Variants in KIF16B observed in about 807,000 individuals in gnomAD.
KIF16B encodes the protein kinesin-like protein KIF16B.
In KIF16B, 98 loss-of-function variants were observed where a neutral mutation model predicts 156.3. The ratio of observed to expected loss-of-function variants is 0.63; its 90% confidence interval spans 0.53 to 0.74. The LOEUF (loss-of-function observed/expected upper bound fraction) is 0.74, where lower values mean the gene tolerates loss of function less well. KIF16B is among the 30% of genes least tolerant of loss of function. The pLI is 0.00. For missense variants in KIF16B, 1,421 were observed against 1,606.5 expected (o/e 0.88, Z 1.97); for synonymous variants, 564 against 583.7 (o/e 0.97, Z 0.49).
At chr20:16,529,322 G>A (rs1009678808) in intron 1 of KIF16B, among the ~76,000 whole-genome samples, 36 of 152,188 alleles carry the variant, frequency 2.4e-4, no homozygotes, top group African/African-American at 8.7e-4. Context: ...AATAAAACAA[G>A]AGTTTCAAAA....
intron 1 of KIF16B, among the ~76,000 whole-genome samples, chr20:16,546,413 T>A (rs1568669915): frequency 6.6e-6 from 1 of 152,212 alleles, no homozygotes; most frequent in Non-Finnish European, 1.5e-5. Flanking sequence ...TTTATTCAGT[T>A]AATGTTTACC....
chr20:16,559,742 T>C (rs928076070), intron 1 of KIF16B, among the ~76,000 whole-genome samples: 2 of 151,928 alleles, frequency 1.3e-5, no homozygotes, highest in African/African-American at 2.4e-5. Context: ...CATGCCACTA[T>C]ACTCCAGCCT....
At chr20:16,433,604 C>T (rs1053190851) in intron 12 of KIF16B, among the ~76,000 whole-genome samples, 11 of 151,600 alleles carry the variant, frequency 7.3e-5, no homozygotes, top group Admixed American at 2.0e-4. Context: ...CACACAGAGA[C>T]ACACACACTC....
intron 15 of KIF16B, among the ~76,000 whole-genome samples, chr20:16,409,929 C>A (rs1314087648): frequency 7.6e-6 from 1 of 132,280 alleles, no homozygotes; most frequent in East Asian, 2.4e-4. Context: ...GTCGATCTAC[C>A]TTCCTACCCA....
At chr20:16,559,938 T>C (rs1180664548) in intron 1 of KIF16B, among the ~76,000 whole-genome samples, 1 of 152,188 alleles carries the variant, frequency 6.6e-6, no homozygotes. Context: ...AATAATGTTG[T>C]ATCAATATTA....
intron 12 of KIF16B, among the ~76,000 whole-genome samples, chr20:16,452,414 A>C (rs909671306): frequency 6.6e-6 from 1 of 152,226 alleles, no homozygotes; most frequent in Admixed American, 6.5e-5. Flanking sequence ...AAAAAAAAAA[A>C]AACTATTGTT....
intron 24 of KIF16B, among the ~76,000 whole-genome samples, chr20:16,331,530 A>G (rs1233421587): frequency 2.6e-5 from 4 of 152,194 alleles, no homozygotes; most frequent in Non-Finnish European, 4.4e-5. Context: ...AAAATTTTGG[A>G]GCCTTGTATG....
chr20:16,548,948 A>C (rs1473988605), intron 1 of KIF16B, among the ~76,000 whole-genome samples: 1 of 152,210 alleles, frequency 6.6e-6, no homozygotes, highest in African/African-American at 2.4e-5. Context: ...AAATGGTCTA[A>C]AGTAAATAAG....
chr20:16,291,454 A>C (rs1477608010), intron 25 of KIF16B, among the ~76,000 whole-genome samples: 3 of 152,218 alleles, frequency 2.0e-5, no homozygotes, highest in Admixed American at 2.0e-4. Context: ...CCTGAAAACT[A>C]TGTAAGCATC....
At chr20:16,451,763 T>TG (rs2067088008) in intron 12 of KIF16B, among the ~76,000 whole-genome samples, 1 of 149,048 alleles carries the variant, frequency 6.7e-6, no homozygotes, top group South Asian at 2.2e-4. Flanking sequence ...GTAGAAATAC[T>TG]GGGGACCAAA....
intron 2 of KIF16B, among the ~76,000 whole-genome samples, chr20:16,526,853 A>G (rs2069562546): frequency 6.6e-6 from 1 of 152,160 alleles, no homozygotes; most frequent in South Asian, 2.1e-4. Context: ...AACTTCAATG[A>G]GCACCACGTT....
chr20:16,534,076 G>T (rs2069859106), intron 1 of KIF16B, among the ~76,000 whole-genome samples: 2 of 152,094 alleles, frequency 1.3e-5, no homozygotes, highest in Admixed American at 1.3e-4. Flanking sequence ...TGGCCAACAT[G>T]GCGAAACCCC....
intron 22 of KIF16B, among the ~76,000 whole-genome samples, chr20:16,356,753 T>C (rs2064451251): frequency 6.6e-6 from 1 of 152,246 alleles, no homozygotes; most frequent in Non-Finnish European, 1.5e-5. Flanking sequence ...GGACAAATTA[T>C]ATTATCCTGA....
chr20:16,329,874 A>G (rs2063918568), intron 24 of KIF16B, among the ~76,000 whole-genome samples: 2 of 152,248 alleles, frequency 1.3e-5, no homozygotes, highest in Admixed American at 1.3e-4. Flanking sequence ...TCCAGTGAAG[A>G]ACTCAGCCTA....
chr20:16,288,999 C>T (rs73251232), intron 25 of KIF16B, among the ~76,000 whole-genome samples: 40,118 of 150,828 alleles, frequency 0.27, 5,450 homozygotes, highest in East Asian at 0.36. Context: ...AATAAACCCA[C>T]GGCCAGTTGA....
At chr20:16,434,505 A>AT (rs5840715) in intron 12 of KIF16B, among the ~76,000 whole-genome samples, 143,951 of 152,228 alleles carry the variant, frequency 0.95, 68,113 homozygotes, top group African/African-American at 0.98. Flanking sequence ...ACAAAAATCT[A>AT]TTTTTTCCCC....
rs1350345451 is a variant in KIF16B, at chr20:16,273,120, C to T, written c.*133G>A. ...CTAGGTATGGAAACGTGAGGTGGCC[C>T]GGGCCCGCTGCTGCATGTCTGTCTT... On this transcript the variant is annotated 3_prime_UTR_variant, in exon 26 of 26. Coordinates refer to ENST00000354981, the MANE Select transcript of KIF16B (RefSeq NM_024704.5). 2.0e-5 allele frequency: 15 copies of T among 751,810 alleles called. No individual in the cohort carries two copies. Among genetic ancestry groups the T allele is most frequent in the Middle Eastern group, 3.9e-4 (1 of 2,544 alleles). 46.6% of individuals were successfully genotyped at this position (751,810 alleles called of 1,614,324 possible). A position where few individuals can be genotyped will look rare whatever the true frequency, so the allele number is the denominator to read the frequency against.
intron 22 of KIF16B, among the ~76,000 whole-genome samples, chr20:16,357,381 G>A (rs887838744): frequency 6.6e-6 from 1 of 152,190 alleles, no homozygotes; most frequent in Non-Finnish European, 1.5e-5. Context: ...TGAGGGTTGA[G>A]CTCACTTGAT....
chr20:16,292,144 T>TA (rs1328277882), intron 25 of KIF16B, among the ~76,000 whole-genome samples: 28 of 134,998 alleles, frequency 2.1e-4, no homozygotes, highest in African/African-American at 4.8e-4. Context: ...TTACCTTTTT[T>TA]TAAAAAAATG....
Sources: allele counts gnomAD v4.1 joint callset (sites outside exome capture counted in the v4.1 genomes callset), GRCh38; gene constraint gnomAD v4.1.1; transcripts MANE v1.5; gene names NCBI Gene and HGNC (gene_info 2026-07-23, HGNC 2026-07-21).